NGEF: variants seen among roughly 807,000 people sequenced by gnomAD.
NGEF encodes the protein ephexin-1.
NGEF carries 31 observed loss-of-function variants against 80.9 expected under a neutral mutation model. The observed-to-expected ratio is 0.38, with a 90% CI of 0.29 to 0.52. The LOEUF (loss-of-function observed/expected upper bound fraction) is 0.52, where lower values mean the gene tolerates loss of function less well. Among genes scored for constraint, NGEF ranks in the 20% least tolerant of loss-of-function variants. The pLI, the probability that NGEF is intolerant of heterozygous loss-of-function variation, is 0.84. For missense variants in NGEF, 709 were observed against 926.2 expected (o/e 0.77, Z 3.04); for synonymous variants, 371 against 370.2 (o/e 1.00, Z -0.03).
At chr2:232,905,356 G>A (rs1238679154) in intron 5 of NGEF, among the ~76,000 whole-genome samples, 4 of 130,858 alleles carry the variant, frequency 3.1e-5, no homozygotes, top group African/African-American at 6.0e-5. Context: ...CGCCAGCCTC[G>A]GCCTCCCGAG....
intron 3 of NGEF, among the ~76,000 whole-genome samples, chr2:232,935,449 C>T (rs1226642661): frequency 6.6e-6 from 1 of 152,156 alleles, no homozygotes; most frequent in Non-Finnish European, 1.5e-5. Context: ...AAAACCCTGT[C>T]TCTACTAAAA....
At chr2:232,977,388 G>A (rs1460578319) in intron 1 of NGEF, among the ~76,000 whole-genome samples, 1 of 152,186 alleles carries the variant, frequency 6.6e-6, no homozygotes, top group East Asian at 1.9e-4. Context: ...ATGAGTGTCC[G>A]AGCTCCCCAG....
At chr2:232,971,439 C>A (rs1490635528) in intron 2 of NGEF, among the ~76,000 whole-genome samples, 2 of 152,220 alleles carry the variant, frequency 1.3e-5, no homozygotes, top group Non-Finnish European at 2.9e-5. Context: ...AATCCCAGCA[C>A]TTTGGGAGGC....
chr2:232,893,420 G>T (rs1559195435), intron 6 of NGEF, among the ~76,000 whole-genome samples: 1 of 152,212 alleles, frequency 6.6e-6, no homozygotes, highest in Admixed American at 6.5e-5. Flanking sequence ...AGCGCACATG[G>T]ACATCTACCT....
intron 4 of NGEF, among the ~76,000 whole-genome samples, chr2:232,921,342 G>A (rs1352597833): frequency 4.6e-5 from 7 of 152,212 alleles, no homozygotes; most frequent in African/African-American, 1.4e-4. Context: ...GCTGCAGGCT[G>A]GGAGGAAAGG....
At chr2:232,879,829 C>A in intron 14 of NGEF, 150 bp from the exon 15 acceptor site, 3 of 668,658 alleles carry the variant, frequency 4.5e-6, no homozygotes, top group East Asian at 5.5e-5. Flanking sequence ...CACACCTCTG[C>A]CGAGATGCTC....
At chr2:232,950,463 A>AC (rs1191307199) in intron 3 of NGEF, among the ~76,000 whole-genome samples, 4 of 149,266 alleles carry the variant, frequency 2.7e-5, no homozygotes, top group African/African-American at 9.9e-5. Flanking sequence ...CCAAATCCCA[A>AC]CCCCCCTTTG....
chr2:232,905,692 G>T (rs1194538072), intron 5 of NGEF: 1 of 399,422 alleles, frequency 2.5e-6, no homozygotes, highest in African/African-American at 2.2e-5. Flanking sequence ...CATCTAGGAA[G>T]TGAAGAGCAT....
rs191841210 is a variant in NGEF at position 232,895,810 on chromosome 2, G to A, written c.829-894C>T. On this transcript the variant is annotated intron_variant, in intron 5 of 14. Coordinates refer to ENST00000264051, the MANE Select transcript of NGEF (RefSeq NM_019850.3). ...GATTTTATAATGGAACCAATAAGGT[G>A]ATTTTCATTTTGGAAGAGAGAAAGA... Among the ~76,000 whole-genome samples, 441 of 152,324 alleles carry A rather than the reference G, an allele frequency of 2.9e-3. 3 individuals carry two copies. The highest frequency in any genetic ancestry group is 5.4e-3 in the South Asian group (26 of 4,826).
chr2:232,890,752 G>A (rs749250083), intron 8 of NGEF, among the ~76,000 whole-genome samples: 31 of 151,796 alleles, frequency 2.0e-4, no homozygotes, highest in African/African-American at 5.8e-4. Flanking sequence ...CCCCTTCCCC[G>A]TTTCCGTCAC....
intron 3 of NGEF, among the ~76,000 whole-genome samples, chr2:232,952,144 A>G (rs756994673): frequency 6.6e-6 from 1 of 152,248 alleles, no homozygotes; most frequent in Non-Finnish European, 1.5e-5. Flanking sequence ...GAGACCTGGT[A>G]TGTACTCGCC....
At chr2:233,009,724 C>G (rs1695163274) in intron 1 of NGEF, among the ~76,000 whole-genome samples, 1 of 152,068 alleles carries the variant, frequency 6.6e-6, no homozygotes, top group Middle Eastern at 3.2e-3. Flanking sequence ...GAAGCTCCAG[C>G]CCAAAGTGAA....
At chr2:232,968,926 G>A (rs1694123504) in intron 3 of NGEF, among the ~76,000 whole-genome samples, 1 of 152,216 alleles carries the variant, frequency 6.6e-6, no homozygotes, top group Non-Finnish European at 1.5e-5. Context: ...TGGAGCTTTG[G>A]CAGTCACCTT....
At chr2:232,898,469 C>A (rs1447102085) in intron 5 of NGEF, among the ~76,000 whole-genome samples, 1 of 152,262 alleles carries the variant, frequency 6.6e-6, no homozygotes, top group Non-Finnish European at 1.5e-5. Flanking sequence ...ACTCTCACCC[C>A]TCCTCATCCA....
chr2:232,935,019 A>T (rs1395767504), intron 3 of NGEF, among the ~76,000 whole-genome samples: 3 of 150,684 alleles, frequency 2.0e-5, no homozygotes, highest in African/African-American at 7.3e-5. Context: ...AAAAAAAAAA[A>T]TAATAATAAG....
chr2:232,983,358 A>G (rs2106329176), intron 1 of NGEF, among the ~76,000 whole-genome samples: 1 of 152,102 alleles, frequency 6.6e-6, no homozygotes, highest in South Asian at 2.1e-4. Context: ...TGAGGGAAGG[A>G]GGAGGGGACC....
At chr2:232,964,373 T>A (rs1231352932) in intron 3 of NGEF, among the ~76,000 whole-genome samples, 2 of 152,126 alleles carry the variant, frequency 1.3e-5, no homozygotes, top group Admixed American at 6.6e-5. Flanking sequence ...ATAAGCAAAT[T>A]GTGGCAATAC....
At chr2:232,899,517 C>G (rs2106244513) in intron 5 of NGEF, among the ~76,000 whole-genome samples, 1 of 152,290 alleles carries the variant, frequency 6.6e-6, no homozygotes, top group African/African-American at 2.4e-5. Flanking sequence ...TTTTCACACA[C>G]ATGCTCTCAC....
intron 1 of NGEF, among the ~76,000 whole-genome samples, chr2:232,987,497 G>A (rs904122531): frequency 1.3e-5 from 2 of 152,106 alleles, no homozygotes; most frequent in Non-Finnish European, 2.9e-5. Context: ...TGGGGGTGCT[G>A]TAGCCCATGC....
Sources: gnomAD v4.1 joint callset for allele counts (sites outside exome capture counted in the v4.1 genomes callset) on GRCh38, gnomAD v4.1.1 for gene constraint, MANE v1.5 for transcripts, NCBI Gene and HGNC (gene_info 2026-07-23, HGNC 2026-07-21) for gene names.